Variants in SEMA3A observed in about 807,000 individuals in gnomAD.
SEMA3A encodes semaphorin-3A.
SEMA3A carries 29 observed loss-of-function variants against 97.9 expected under a neutral mutation model. That is an observed-to-expected ratio of 0.30 (90% confidence interval 0.22 to 0.40). The LOEUF is 0.40. Ranked by LOEUF, SEMA3A falls within the 10% of genes least tolerant of loss-of-function variation. The pLI is 1.00. For synonymous variants in SEMA3A, 321 were observed against 323.7 expected (o/e 0.99, Z 0.09); for missense variants, 763 against 951.3 (o/e 0.80, Z 2.60).
intron 3 of SEMA3A, among the ~76,000 whole-genome samples, chr7:84,246,178 C>T (rs938858192): frequency 3.9e-5 from 6 of 152,284 alleles, no homozygotes; most frequent in South Asian, 2.1e-4. Context: ...AGAAATCACC[C>T]GCCTTCTGTG....
chr7:84,229,047 CT>C, intron 3 of SEMA3A, among the ~76,000 whole-genome samples: 1 of 151,960 alleles, frequency 6.6e-6, no homozygotes, highest in South Asian at 2.1e-4. Flanking sequence ...TTCATATCTC[CT>C]TTTTGGTTTT....
intron 1 of SEMA3A, among the ~76,000 whole-genome samples, chr7:84,426,257 G>GAT: frequency 6.8e-6 from 1 of 146,292 alleles, no homozygotes; most frequent in African/African-American, 2.5e-5. Context: ...ATGATAGAGA[G>GAT]ATAGATATAG....
chr7:84,347,998 T>A (rs1802342975), intron 2 of SEMA3A, among the ~76,000 whole-genome samples: 1 of 152,130 alleles, frequency 6.6e-6, no homozygotes, highest in Non-Finnish European at 1.5e-5. Flanking sequence ...ATTGTATGTT[T>A]AAAACATTAA....
In SEMA3A at chr7:83,961,833, G is replaced by A. The variant is rs372640000; in HGVS notation, c.1861-7C>T. 2.0e-5 allele frequency: 32 copies of A among 1,602,440 alleles called. No homozygotes were observed. Among genetic ancestry groups the A allele is most frequent in the Non-Finnish European group, 2.6e-5 (30 of 1,174,108 alleles). On this transcript the variant is annotated splice_polypyrimidine_tract_variant and splice_region_variant and intron_variant, in intron 16 of 16. Transcript: ENST00000265362. Reference sequence around the variant, plus strand: ...TATGATCATCCACTCTGATCTAGCAGGTTAAAAAAAAGGCAGTGTAAAATA... The same window carrying A: ...TATGATCATCCACTCTGATCTAGCAAGTTAAAAAAAAGGCAGTGTAAAATA...
intron 5 of SEMA3A, among the ~76,000 whole-genome samples, chr7:84,046,965 G>A (rs904200876): frequency 6.6e-6 from 1 of 151,874 alleles, no homozygotes; most frequent in African/African-American, 2.4e-5. Flanking sequence ...CTATGATTTA[G>A]AAATAACTAA....
chr7:84,260,825 G>T (rs1055968371), intron 3 of SEMA3A, among the ~76,000 whole-genome samples: 1 of 152,198 alleles, frequency 6.6e-6, no homozygotes, highest in Non-Finnish European at 1.5e-5. Flanking sequence ...GCAGAAGGCA[G>T]ATAGGCTTAG....
intron 12 of SEMA3A, among the ~76,000 whole-genome samples, chr7:83,990,735 T>A (rs1584514043): frequency 9.0e-6 from 1 of 111,148 alleles, no homozygotes; most frequent in Non-Finnish European, 1.9e-5. Context: ...TGTAGTATAG[T>A]TTGAAGTCAG....
At chr7:84,407,659 G>A (rs891444387) in intron 1 of SEMA3A, among the ~76,000 whole-genome samples, 8 of 151,890 alleles carry the variant, frequency 5.3e-5, no homozygotes, top group African/African-American at 1.7e-4. Context: ...CAAGGCTACA[G>A]TAACCAAAAC....
intron 1 of SEMA3A, among the ~76,000 whole-genome samples, chr7:84,161,746 T>G (rs1440157158): frequency 6.6e-6 from 1 of 152,146 alleles, no homozygotes; most frequent in Non-Finnish European, 1.5e-5. Flanking sequence ...AATATTTGCA[T>G]GTGGTATTTA....
At position 84,013,067 on chromosome 7, in the gene SEMA3A, C is replaced by T. The variant is rs140975380; in HGVS notation, c.810+1142G>A. Among the ~76,000 whole-genome samples, 1,011 of 152,010 alleles carry T rather than the reference C, an allele frequency of 6.7e-3. 6 individuals carry two copies. Among genetic ancestry groups the T allele is most frequent in the African/African-American group, 0.019 (794 of 41,502 alleles). ...TAATAATTAGATCATATTGGGGTAA[C>T]GGGTCACACATAGAAAGAAACAGAT... On this transcript the variant is annotated intron_variant, in intron 7 of 16. Transcript: ENST00000265362.
At chr7:83,981,985 C>A (rs1584502799) in intron 13 of SEMA3A, among the ~76,000 whole-genome samples, 1 of 152,162 alleles carries the variant, frequency 6.6e-6, no homozygotes, top group South Asian at 2.1e-4. Context: ...AAACTTTGGG[C>A]TCAACACCAA....
Position 84,371,901 on chromosome 7 carries a change from C to T in SEMA3A, c.-245-1G>A, listed in dbSNP as rs1453549478. 6.6e-6 allele frequency: 1 copy of T among 151,866 alleles called. No individual in the cohort carries two copies. Among genetic ancestry groups the T allele is most frequent in the Non-Finnish European group, 1.5e-5 (1 of 67,954 alleles). The allele number at this position is 151,866 out of a possible 1,614,324, so 9.4% of individuals were successfully genotyped here. On this transcript the variant is annotated splice_acceptor_variant, in intron 1 of 3. Transcript: ENST00000424555. LOFTEE classifies it low-confidence loss of function (5UTR_SPLICE). ...CCCATGGATGGTTTTTTTAAATATT[C>T]TGGAAAGCAAAGCAAACAAATAATT... is the stretch of plus-strand genomic sequence containing the variant.
At chr7:84,007,618 CA>C in intron 9 of SEMA3A, 121 bp from the exon 10 acceptor site, 1 of 870,876 alleles carries the variant, frequency 1.1e-6, no homozygotes, top group South Asian at 3.8e-5. Flanking sequence ...AAATTCTTAG[CA>C]ATAATGTTTG....
At chr7:84,294,046 A>T (rs1800812199) in intron 3 of SEMA3A, among the ~76,000 whole-genome samples, 1 of 152,098 alleles carries the variant, frequency 6.6e-6, no homozygotes, top group Non-Finnish European at 1.5e-5. Flanking sequence ...CAATCAAGGT[A>T]AAATATTCAA....
intron 1 of SEMA3A, among the ~76,000 whole-genome samples, chr7:84,426,350 A>G (rs1804830411): frequency 6.6e-6 from 1 of 152,054 alleles, no homozygotes; most frequent in African/African-American, 2.4e-5. Flanking sequence ...AAATAAAAAT[A>G]TATCTGTAAT....
At chr7:84,235,917 G>A (rs891243360) in intron 3 of SEMA3A, among the ~76,000 whole-genome samples, 1 of 151,912 alleles carries the variant, frequency 6.6e-6, no homozygotes, top group Admixed American at 6.6e-5. Context: ...CCATGTTTAG[G>A]GTGTATTCCT....
chr7:84,277,119 C>T (rs565104609), intron 3 of SEMA3A, among the ~76,000 whole-genome samples: 4 of 152,190 alleles, frequency 2.6e-5, no homozygotes, highest in African/African-American at 9.6e-5. Context: ...CCTCTCATGT[C>T]TACAGTTGTA....
At chr7:84,414,247 C>G (rs547813484) in intron 1 of SEMA3A, among the ~76,000 whole-genome samples, 1 of 152,148 alleles carries the variant, frequency 6.6e-6, no homozygotes, top group Admixed American at 6.6e-5. Flanking sequence ...ATGCATATAT[C>G]TTTTGATCCC....
At chr7:84,229,839 G>A (rs1461637266) in intron 3 of SEMA3A, among the ~76,000 whole-genome samples, 1 of 151,652 alleles carries the variant, frequency 6.6e-6, no homozygotes, top group East Asian at 1.9e-4. Flanking sequence ...TGACCTTATG[G>A]AAAGAAAAAT....
Sources: allele counts gnomAD v4.1 joint callset (sites outside exome capture counted in the v4.1 genomes callset), GRCh38; gene constraint gnomAD v4.1.1; transcripts MANE v1.5; gene names NCBI Gene and HGNC (gene_info 2026-07-23, HGNC 2026-07-21).